Variants in CDH4 observed in about 807,000 individuals in gnomAD.
The protein encoded by CDH4 is cadherin-4.
In CDH4, 33 loss-of-function variants were observed where a neutral mutation model predicts 86.0. The ratio of observed to expected loss-of-function variants is 0.38; its 90% CI spans 0.29 to 0.51. CDH4 has a LOEUF of 0.51. Ranked by LOEUF, CDH4 falls within the 20% of genes least tolerant of loss-of-function variation. The pLI is 0.86. For synonymous variants in CDH4, 555 were observed against 549.4 expected, an observed-to-expected ratio of 1.01 and a Z score of -0.14; for missense variants, 1,114 against 1,307.4, an observed-to-expected ratio of 0.85 and a Z score of 2.28.
intron 2 of CDH4, among the ~76,000 whole-genome samples, chr20:61,661,359 A>G (rs978974045): frequency 9.2e-5 from 14 of 152,092 alleles, no homozygotes; most frequent in Non-Finnish European, 2.1e-4. Context: ...GGAAGTGAGC[A>G]CATCATTCTG....
chr20:61,417,813 G>A lies in CDH4; in HGVS notation c.169+162876G>A, dbSNP rs780787517. Among the ~76,000 whole-genome samples, 2 of 152,122 alleles carry A rather than the reference G, an allele frequency of 1.3e-5. No individual in the cohort carries two copies. The highest frequency in any genetic ancestry group is 1.5e-5 in the Non-Finnish European group (1 of 68,028). On this transcript the variant is annotated intron_variant, in intron 2 of 15. Transcript: ENST00000614565. The surrounding 1 kb of genome is among the most constrained non-coding windows in gnomAD (Gnocchi z 4.0). ...CTCAGGAAGTCTGAGTTTGGAAGGC[G>A]CCGCCAGAGACTGCACTTCAGTGTA...
intron 2 of CDH4, among the ~76,000 whole-genome samples, chr20:61,595,123 G>A (rs967334855): frequency 1.3e-5 from 2 of 152,164 alleles, no homozygotes; most frequent in African/African-American, 4.8e-5. Flanking sequence ...CCTGTGCAGC[G>A]CCCCAGGACC....
At chr20:61,523,074 T>C (rs907937231) in intron 2 of CDH4, among the ~76,000 whole-genome samples, 2 of 152,196 alleles carry the variant, frequency 1.3e-5, no homozygotes, top group African/African-American at 2.4e-5. Context: ...CCACACCAGG[T>C]GACAGGCGGC....
intron 3 of CDH4, among the ~76,000 whole-genome samples, chr20:61,744,992 A>G (rs1274816988): frequency 6.6e-6 from 1 of 152,212 alleles, no homozygotes; most frequent in African/African-American, 2.4e-5. Context: ...CAGCTGTTGC[A>G]GCTGCCTGCC....
intron 2 of CDH4, among the ~76,000 whole-genome samples, chr20:61,469,634 C>T (rs193273603): frequency 6.6e-6 from 1 of 152,234 alleles, no homozygotes; most frequent in East Asian, 1.9e-4. Flanking sequence ...AATCTTTGCC[C>T]AGTCCAGTGT....
At chr20:61,306,633 C>T (rs1028354946) in intron 2 of CDH4, among the ~76,000 whole-genome samples, 9 of 152,250 alleles carry the variant, frequency 5.9e-5, no homozygotes, top group Admixed American at 2.0e-4. Flanking sequence ...CGCACCCAGC[C>T]GCCATTAAGT....
Position 61,445,771 on chromosome 20 carries a change from G to A in CDH4, c.169+190834G>A, listed in dbSNP as rs139201439. Reference sequence around the variant, plus strand: ...TGCAGCATTAAAGGTAGAGACTTGCGAGACCTTTCCCAGGATGTGACGTGC... The same window carrying A: ...TGCAGCATTAAAGGTAGAGACTTGCAAGACCTTTCCCAGGATGTGACGTGC... On this transcript the variant is annotated intron_variant, in intron 2 of 15. Transcript: ENST00000614565. Among the ~76,000 whole-genome samples the A allele has an allele frequency of 2.6e-4, 40 of 152,330 alleles. No individual in the cohort carries two copies. The East Asian group carries it at 7.5e-3, about 29-fold the overall frequency.
chr20:61,619,710 T>C (rs137881573), intron 2 of CDH4, among the ~76,000 whole-genome samples: 1 of 152,316 alleles, frequency 6.6e-6, no homozygotes, highest in African/African-American at 2.4e-5. Flanking sequence ...GTGATCTGTA[T>C]CCTCACGTGA....
At chr20:61,819,807 G>A (rs1980922692) in intron 4 of CDH4, among the ~76,000 whole-genome samples, 1 of 152,184 alleles carries the variant, frequency 6.6e-6, no homozygotes, top group African/African-American at 2.4e-5. Context: ...TTTTAGTTGT[G>A]CTGATGAAAT....
intron 4 of CDH4, among the ~76,000 whole-genome samples, chr20:61,809,747 G>T (rs375395367): frequency 6.6e-6 from 1 of 152,236 alleles, no homozygotes; most frequent in South Asian, 2.1e-4. Flanking sequence ...GTTTTTCATT[G>T]CTGGGAGGCT....
chr20:61,370,100 CAG>C (rs2123333618), intron 2 of CDH4: 1 of 152,522 alleles, frequency 6.6e-6, no homozygotes, highest in East Asian at 1.9e-4. Context: ...TACTGCTGGT[CAG>C]AGAACTGACT....
At chr20:61,446,503 C>T (rs1463867884) in intron 2 of CDH4, among the ~76,000 whole-genome samples, 1 of 152,192 alleles carries the variant, frequency 6.6e-6, no homozygotes, top group Non-Finnish European at 1.5e-5. Context: ...ACGTTCATAG[C>T]TGCATAAACA....
intron 3 of CDH4, among the ~76,000 whole-genome samples, chr20:61,747,274 A>C (rs1449172553): frequency 1.3e-5 from 2 of 152,134 alleles, no homozygotes; most frequent in Admixed American, 1.3e-4. Context: ...CTCTGTCTCT[A>C]CTAAAAATAC....
At position 61,923,554 on chromosome 20, in the gene CDH4, G is replaced by C; in HGVS notation, c.1478G>C (p.Gly493Ala). ...CAGATGTCCTTCCAGTCCACGGCAG[G>C]GGTGACCATCTCCATCATGGACATC... ...GIQMSFQSTA[G>A]VTISIMDINE... Residue 493 changes from glycine (G) to alanine (A), a missense_variant, in exon 10 of 16, where the codon GGG becomes GCG. Transcript: ENST00000614565. 6.2e-7 allele frequency: 1 copy of C among 1,614,180 alleles called. No homozygotes were observed. Among genetic ancestry groups the C allele is most frequent in the South Asian group, 1.1e-5 (1 of 91,088 alleles).
intron 2 of CDH4, among the ~76,000 whole-genome samples, chr20:61,538,516 T>G (rs6061626): frequency 0.31 from 47,321 of 151,992 alleles, 11,752 homozygotes; most frequent in African/African-American, 0.69. Context: ...CTCTGTGTAC[T>G]TTCGCCTGGC....
At chr20:61,494,812 T>C (rs2085648384) in intron 2 of CDH4, among the ~76,000 whole-genome samples, 1 of 152,274 alleles carries the variant, frequency 6.6e-6, no homozygotes, top group African/African-American at 2.4e-5. Flanking sequence ...AGCTATCATT[T>C]TCTCCTGGAA....
chr20:61,722,149 A>G (rs527482753), intron 2 of CDH4, among the ~76,000 whole-genome samples: 1 of 152,192 alleles, frequency 6.6e-6, no homozygotes, highest in Non-Finnish European at 1.5e-5. Context: ...TTATTTTGGA[A>G]GTATCCATTA....
intron 2 of CDH4, among the ~76,000 whole-genome samples, chr20:61,434,456 C>A (rs750488773): frequency 1.3e-5 from 2 of 152,106 alleles, no homozygotes; most frequent in Admixed American, 6.5e-5. Context: ...ATAGATTGCA[C>A]GTTCACCGCG....
intron 4 of CDH4, among the ~76,000 whole-genome samples, chr20:61,821,156 A>T (rs1275044817): frequency 1.3e-5 from 1 of 79,692 alleles, no homozygotes; most frequent in Non-Finnish European, 2.6e-5. Context: ...GTCCCCTCTC[A>T]CTCCCTACAC....
Sources: gnomAD v4.1 joint callset for allele counts (sites outside exome capture counted in the v4.1 genomes callset) on GRCh38, gnomAD v4.1.1 for gene constraint, Gnocchi (gnomAD v3.1) non-coding constraint, MANE v1.5 for transcripts, NCBI Gene and HGNC (gene_info 2026-07-23, HGNC 2026-07-21) for gene names.